Variants in GPN2 observed in about 807,000 individuals in gnomAD.
GPN2 encodes the protein ATP-binding domain 1 family member B.
In GPN2, 27 loss-of-function variants were observed where a neutral mutation model predicts 30.1. The ratio of observed to expected loss-of-function variants is 0.90; its 90% CI spans 0.66 to 1.24. The LOEUF is 1.24. Among genes scored for constraint, GPN2 ranks in the 50% most tolerant of loss-of-function variants. GPN2 has a pLI of 0.00. For synonymous variants in GPN2, 212 were observed against 174.4 expected (o/e 1.22, Z -1.70); for missense variants, 406 against 405.4 (o/e 1.00, Z -0.01).
chr1:26,888,856 GCTA>G (rs1457531194), intron 2 of GPN2, 110 bp downstream of exon 2: 2 of 980,256 alleles, frequency 2.0e-6, no homozygotes, highest in African/African-American at 3.2e-5. Context: ...CCTGCCTGTG[GCTA>G]CTATCACCAG....
At position 26,884,178 on chromosome 1, in the gene GPN2, G is replaced by A; in HGVS notation, c.842C>T (p.Ala281Val). The change falls in exon 4 of 5, where the codon GCC becomes GTC. Residue 281 changes from alanine (A) to valine (V), a missense_variant. Physicochemically the swap from Ala to Val is moderately conservative, Grantham distance 64 (BLOSUM62 0). Transcript: ENST00000374135. ...AGGATACGAAGAGAAATGGAAGTCG[G>A]CTCCCATTGCGGCAGACATCATGGC... ...LEAMMSAAMG[A>V]DFHFSSTLGI... The A allele has an allele frequency of 6.2e-7, 1 of 1,613,532 alleles. No homozygotes were observed. Among genetic ancestry groups the A allele is most frequent in the Non-Finnish European group, 8.5e-7 (1 of 1,179,778 alleles).
In GPN2 at chr1:26,877,431, C is replaced by A. The variant is rs927474946; in HGVS notation, c.*2246G>T. ...ATTAATTTGCCAACTGCCCAAACCACTGGTGAACTATCTATGATTCAGTAA... is the reference window on the plus strand; with the variant it reads ...ATTAATTTGCCAACTGCCCAAACCAATGGTGAACTATCTATGATTCAGTAA... On this transcript the variant is annotated 3_prime_UTR_variant, in exon 5 of 5. Coordinates refer to ENST00000374135, the MANE Select transcript of GPN2 (RefSeq NM_018066.4). 9 of 152,350 alleles carry A rather than the reference C, an allele frequency of 5.9e-5. No homozygotes were observed. Among genetic ancestry groups the A allele is most frequent in the African/African-American group, 2.2e-4 (9 of 41,572 alleles). 9.4% of individuals were successfully genotyped at this position (152,350 alleles called of 1,614,324 possible).
chr1:26,890,115 A>C lies in GPN2; in HGVS notation c.-19T>G, dbSNP rs905267071. ...CTGCCATTGGCGGCCCGCGGCCCGG[A>C]GCAGGTCAACTCACAGGGAAAACGG... On this transcript the variant is annotated 5_prime_UTR_variant, in exon 1 of 5. Coordinates refer to ENST00000374135, the MANE Select transcript of GPN2 (RefSeq NM_018066.4). 3.3e-6 allele frequency: 5 copies of C among 1,498,496 alleles called. No individual in the cohort carries two copies. The highest frequency in any genetic ancestry group is 4.4e-6 in the Non-Finnish European group (5 of 1,130,944). The allele number at this position is 1,498,496 out of a possible 1,614,324, so 92.8% of individuals were successfully genotyped here. A position where few individuals can be genotyped will look rare whatever the true frequency, so the allele number is the denominator to read the frequency against.
In GPN2 at chr1:26,890,127, C is replaced by T. The variant is rs764726095; in HGVS notation, c.-31G>A. ...GCCCGCGGCCCGGAGCAGGTCAACT[C>T]ACAGGGAAAACGGGGCAGGTAGCCG... is the stretch of plus-strand genomic sequence containing the variant. On this transcript the variant is annotated 5_prime_UTR_variant, in exon 1 of 5. Coordinates refer to ENST00000374135, the MANE Select transcript of GPN2 (RefSeq NM_018066.4). 91 of 1,477,086 alleles carry T rather than the reference C, an allele frequency of 6.2e-5. No individual in the cohort carries two copies. Among genetic ancestry groups the T allele is most frequent in the Middle Eastern group, 1.8e-4 (1 of 5,456 alleles). 91.5% of individuals were successfully genotyped at this position (1,477,086 alleles called of 1,614,324 possible). A position where few individuals can be genotyped will look rare whatever the true frequency, so the allele number is the denominator to read the frequency against.
In GPN2 at chr1:26,889,084, G is replaced by A. The variant is rs1261422471; in HGVS notation, c.453C>T (p.Asp151=). ...VHLVDSHYCT[D]PAKFISVLCT... is the part of the protein sequence containing the mutation. Reference sequence around the variant, plus strand: ...ACAGTACTGAAATGAACTTGGCAGGGTCTGTGCAGTAGTGAGAATCCACGA... The same window carrying A: ...ACAGTACTGAAATGAACTTGGCAGGATCTGTGCAGTAGTGAGAATCCACGA... Residue 151 remains aspartate (D), a synonymous_variant, in exon 2 of 5, where the codon GAC becomes GAT. Transcript: ENST00000374135. 2.5e-6 allele frequency: 4 copies of A among 1,613,720 alleles called. No individual in the cohort carries two copies. Among genetic ancestry groups the A allele is most frequent in the Non-Finnish European group, 3.4e-6 (4 of 1,179,710 alleles).
chr1:26,888,563 C>G (rs956742503), intron 2 of GPN2, among the ~76,000 whole-genome samples: 1 of 152,234 alleles, frequency 6.6e-6, no homozygotes, highest in African/African-American at 2.4e-5. Context: ...TCTCACCATT[C>G]ATGTCTCAGC....
chr1:26,886,508 G>A lies in GPN2; in HGVS notation c.569-375C>T, dbSNP rs766760591. 4.3e-4 allele frequency: 195 copies of A among 452,776 alleles called. 1 individual carries two copies. The highest frequency in any genetic ancestry group is 6.8e-4 in the Non-Finnish European group (153 of 226,108). The allele number at this position is 452,776 out of a possible 1,614,324, so 28.0% of individuals were successfully genotyped here. ...TCAGGAGTTCAAGACCAGCCAACAT[G>A]GTGAAACTCCATTTCTCCTAAAAAT... On this transcript the variant is annotated intron_variant, in intron 2 of 4. Coordinates refer to ENST00000374135, the MANE Select transcript of GPN2 (RefSeq NM_018066.4).
In GPN2 at chr1:26,886,774, C is replaced by T. The variant is rs548238177; in HGVS notation, c.569-641G>A. On this transcript the variant is annotated intron_variant, in intron 2 of 4. Transcript: ENST00000374135. The stretch of plus-strand genomic sequence containing the variant: ...GGGAGCTTGCAGTGAGCCGAGATCG[C>T]GCCACTGCACTCCAGCCTGGGCGAC... 4.6e-5 allele frequency among the ~76,000 whole-genome samples: 7 copies of T among 151,346 alleles called. No homozygotes were observed. The South Asian group carries it at 6.2e-4, about 13-fold the overall frequency.
At chr1:26,886,901 G>A (rs1465339962) in intron 2 of GPN2, among the ~76,000 whole-genome samples, 2 of 151,590 alleles carry the variant, frequency 1.3e-5, no homozygotes, top group Non-Finnish European at 2.9e-5. Context: ...GCTGAGGCAG[G>A]AGAATCGCTT....
rs753428953 is a variant in GPN2, at chr1:26,889,770, G to A, written c.327C>T (p.Phe109=). 3.1e-6 allele frequency: 5 copies of A among 1,613,864 alleles called. No individual in the cohort carries two copies. The highest frequency in any genetic ancestry group is 4.2e-6 in the Non-Finnish European group (5 of 1,179,964). ...AGAGCTCCACCTGGCCTGGGCAGTC[G>A]AAGAGGAAGTAGTGGCCGCGGAGGG... ...LDPLRGHYFL[F]DCPGQVELCT... The change falls in exon 1 of 5, where the codon TTC becomes TTT. Residue 109 remains phenylalanine, a synonymous_variant. Coordinates refer to ENST00000374135, the MANE Select transcript of GPN2 (RefSeq NM_018066.4).
In GPN2 at chr1:26,889,144, G is replaced by C. The variant is rs755763100; in HGVS notation, c.412-19C>G. 6.2e-7 allele frequency: 1 copy of C among 1,605,548 alleles called. No homozygotes were observed. On this transcript the variant is annotated intron_variant, in intron 1 of 4. Coordinates refer to ENST00000374135, the MANE Select transcript of GPN2 (RefSeq NM_018066.4). ...CAGTCAGCTGGGAGGGAATAGACAG[G>C]GTGAGAGTGGCCTGGAGAAACAGGG...
At chr1:26,884,039 C>CA (rs373357961) in intron 4 of GPN2, 121 bp downstream of exon 4, 27,196 of 423,868 alleles carry the variant, frequency 0.064, 5 homozygotes, top group Middle Eastern at 0.077. Flanking sequence ...GACTCCATCT[C>CA]AAAAAAAAAA....
In GPN2 at chr1:26,888,761, A is replaced by C. The variant is rs557401254; in HGVS notation, c.568+208T>G. 53 of 627,932 alleles carry C rather than the reference A, an allele frequency of 8.4e-5. No homozygotes were observed. In the African/African-American group the frequency reaches 9.1e-4, roughly 11 times the overall value. The allele number at this position is 627,932 out of a possible 1,614,324, so 38.9% of individuals were successfully genotyped here. On this transcript the variant is annotated intron_variant, in intron 2 of 4. Coordinates refer to ENST00000374135, the MANE Select transcript of GPN2 (RefSeq NM_018066.4). Reference sequence around the variant, plus strand: ...TCACTTTAATTCCTTTGTAACACCTAACACCATCTGTAGCTCTCTTGTCTC... The same window carrying C: ...TCACTTTAATTCCTTTGTAACACCTCACACCATCTGTAGCTCTCTTGTCTC...
intron 4 of GPN2, among the ~76,000 whole-genome samples, chr1:26,881,364 T>C (rs1299818275): frequency 3.9e-5 from 6 of 152,230 alleles, no homozygotes; most frequent in African/African-American, 1.4e-4. Flanking sequence ...CAATAAAGTA[T>C]TGAATATCTC....
intron 1 of GPN2, 149 bp downstream of exon 1, chr1:26,889,537 C>G (rs909521715): frequency 2.8e-6 from 2 of 709,018 alleles, no homozygotes; most frequent in Admixed American, 5.5e-5. Context: ...CACAGCCAGT[C>G]AGTAGCAGAG....
intron 2 of GPN2, among the ~76,000 whole-genome samples, chr1:26,888,009 C>T (rs1011321912): frequency 6.6e-5 from 10 of 152,042 alleles, no homozygotes; most frequent in Admixed American, 1.3e-4. Context: ...CAGGCATGCA[C>T]CACCATGCCT....
chr1:26,883,787 A>G (rs960007278), intron 4 of GPN2, among the ~76,000 whole-genome samples: 1 of 143,306 alleles, frequency 7.0e-6, no homozygotes, highest in African/African-American at 2.6e-5. Context: ...ACTCCCTTTC[A>G]AAAAAAAAAA....
rs1199354133 is a variant in GPN2, at chr1:26,878,127, G to T, written c.*1550C>A. On this transcript the variant is annotated 3_prime_UTR_variant, in exon 5 of 5. Transcript: ENST00000374135. ...CCCCTTCTGCCACCAGGTTACAACT[G>T]CAAAAAATTAGGTTGGGGTGCCACC... The T allele has an allele frequency of 6.6e-6, 1 of 152,152 alleles. No homozygotes were observed. Among genetic ancestry groups the T allele is most frequent in the Non-Finnish European group, 1.5e-5 (1 of 68,038 alleles). 9.4% of individuals were successfully genotyped at this position (152,152 alleles called of 1,614,324 possible).
In GPN2 at chr1:26,879,495, T is replaced by A; in HGVS notation, c.*182A>T. ...CGGACACCACTGACAGTATGGGGGG[T>A]GTTCTGCTTGGCACCATGTCTGGCT... On this transcript the variant is annotated 3_prime_UTR_variant, in exon 5 of 5. Transcript: ENST00000374135. 1.6e-6 allele frequency: 1 copy of A among 607,070 alleles called. No homozygotes were observed. The highest frequency in any genetic ancestry group is 3.0e-6 in the Non-Finnish European group (1 of 332,478). 37.6% of individuals were successfully genotyped at this position (607,070 alleles called of 1,614,324 possible). A position where few individuals can be genotyped will look rare whatever the true frequency, so the allele number is the denominator to read the frequency against.
Sources: gnomAD v4.1 joint callset for allele counts (sites outside exome capture counted in the v4.1 genomes callset) on GRCh38, gnomAD v4.1.1 for gene constraint, MANE v1.5 for transcripts, NCBI Gene and HGNC (gene_info 2026-07-23, HGNC 2026-07-21) for gene names.